Variants in BIRC6 observed in about 807,000 individuals in gnomAD.
The protein encoded by BIRC6 is baculoviral IAP repeat containing 6, also known as dual E2 ubiquitin-conjugating enzyme/E3 ubiquitin-protein ligase BIRC6.
In BIRC6, 98 loss-of-function variants were observed where a neutral mutation model predicts 503.3. The ratio of observed to expected loss-of-function variants is 0.19; its 90% CI spans 0.17 to 0.23. The LOEUF is 0.23. Among genes scored for constraint, BIRC6 ranks in the 10% least tolerant of loss-of-function variants. The pLI is 1.00. For synonymous variants in BIRC6, 2,240 were observed against 2,078.7 expected, an observed-to-expected ratio of 1.08 and a Z score of -2.11; for missense variants, 5,360 against 5,806.0, an observed-to-expected ratio of 0.92 and a Z score of 2.50.
intron 15 of BIRC6, among the ~76,000 whole-genome samples, chr2:32,439,112 T>C (rs886637204): frequency 6.6e-6 from 1 of 152,184 alleles, no homozygotes; most frequent in Non-Finnish European, 1.5e-5. Context: ...TGTACATGTA[T>C]GCATAAGAAG....
chr2:32,506,098 C>T (rs1346806693), intron 50 of BIRC6, among the ~76,000 whole-genome samples: 2 of 152,142 alleles, frequency 1.3e-5, no homozygotes, highest in Admixed American at 1.3e-4. Flanking sequence ...ATCTACCTGC[C>T]TTGGCCTCCT....
At chr2:32,470,901 T>C in intron 31 of BIRC6, 113 bp from the exon 32 acceptor site, 1 of 1,090,238 alleles carries the variant, frequency 9.2e-7, no homozygotes, top group Non-Finnish European at 1.3e-6. Context: ...GTGTTAGTAA[T>C]GATAAGATAT....
At chr2:32,605,732 C>T (rs528160709) in intron 71 of BIRC6, among the ~76,000 whole-genome samples, 1 of 152,220 alleles carries the variant, frequency 6.6e-6, no homozygotes, top group East Asian at 1.9e-4. Flanking sequence ...GTCACGGGCA[C>T]CTGTAACCCC....
intron 69 of BIRC6, among the ~76,000 whole-genome samples, chr2:32,598,791 G>C (rs1480588963): frequency 6.6e-6 from 1 of 152,030 alleles, no homozygotes; most frequent in Non-Finnish European, 1.5e-5. Context: ...GGGAGGCTGA[G>C]GTAGGCAGAT....
In BIRC6 at chr2:32,586,423, C is replaced by CTTT. The variant is rs972959083; in HGVS notation, c.13356-7467_13356-7465dup. ...ATCTCAGACAAAATCTCAAGCAGTC[C>CTTT]TTTTTTTTTTTTTTTTTTTTTTTTT... On this transcript the variant is annotated intron_variant, in intron 66 of 73. Coordinates refer to ENST00000421745, the MANE Select transcript of BIRC6 (RefSeq NM_016252.4). 1.7e-3 allele frequency among the ~76,000 whole-genome samples: 119 copies of CTTT among 70,980 alleles called. 8 individuals carry two copies. Among genetic ancestry groups the CTTT allele is most frequent in the African/African-American group, 7.5e-3 (111 of 14,850 alleles). 46.6% of individuals were successfully genotyped at this position (70,980 alleles called of 152,430 possible).
At chr2:32,483,275 A>G (rs775977704) in intron 39 of BIRC6, among the ~76,000 whole-genome samples, 2 of 152,108 alleles carry the variant, frequency 1.3e-5, no homozygotes, top group Non-Finnish European at 2.9e-5. Flanking sequence ...TTTTTTAATA[A>G]AATACATTTT....
At chr2:32,585,771 A>G (rs953348610) in intron 66 of BIRC6, among the ~76,000 whole-genome samples, 1 of 152,202 alleles carries the variant, frequency 6.6e-6, no homozygotes, top group Non-Finnish European at 1.5e-5. Context: ...TAAATCAAGC[A>G]TGCATTGTAA....
chr2:32,479,425 A>G lies in BIRC6; in HGVS notation c.7253-37A>G, dbSNP rs375725065. On this transcript the variant is annotated intron_variant, in intron 36 of 73. Coordinates refer to ENST00000421745, the MANE Select transcript of BIRC6 (RefSeq NM_016252.4). ...GCTGTAATACATTTTCGAAATCTGT[A>G]TAAATTATTAAAACAGGACTATCCC... is the stretch of plus-strand genomic sequence containing the variant. 4.1e-5 allele frequency: 63 copies of G among 1,553,966 alleles called. 1 individual carries two copies. In the East Asian group the frequency reaches 6.9e-4, roughly 17 times the overall value.
chr2:32,358,356 G>C (rs1277898156), intron 1 of BIRC6, among the ~76,000 whole-genome samples: 1 of 152,194 alleles, frequency 6.6e-6, no homozygotes, highest in Non-Finnish European at 1.5e-5. Context: ...GTAAACCTTG[G>C]TCCAGGGACG....
chr2:32,498,953 A>G (rs557680114), intron 45 of BIRC6, among the ~76,000 whole-genome samples: 3 of 152,286 alleles, frequency 2.0e-5, no homozygotes, highest in Admixed American at 1.3e-4. Context: ...TGGCGCCACA[A>G]GTGATCTGCC....
chr2:32,484,286 G>C (rs115364708), intron 39 of BIRC6, among the ~76,000 whole-genome samples: 152,260 of 152,262 alleles, frequency 1, 76,129 homozygotes, highest in Middle Eastern at 1. Flanking sequence ...AGGTGCGGTG[G>C]TCACGCCTGT....
intron 69 of BIRC6, among the ~76,000 whole-genome samples, chr2:32,598,428 A>T (rs1026439399): frequency 6.6e-6 from 1 of 151,862 alleles, no homozygotes; most frequent in Admixed American, 6.6e-5. Context: ...TTTTAGTGTC[A>T]CTCTTCAAAA....
intron 3 of BIRC6, 138 bp downstream of exon 3, chr2:32,380,428 T>G (rs756221061): frequency 1.7e-5 from 21 of 1,225,368 alleles, no homozygotes; most frequent in Non-Finnish European, 2.1e-5. Flanking sequence ...TGCTTATAAG[T>G]CATCTTAAAG....
chr2:32,388,866 A>C lies in BIRC6; in HGVS notation c.762A>C (p.Ser254=). 1.2e-6 allele frequency: 2 copies of C among 1,613,058 alleles called. No homozygotes were observed. The highest frequency in any genetic ancestry group is 1.7e-6 in the Non-Finnish European group (2 of 1,179,646). The part of the protein sequence containing the change: ...QNVAALPVAS[S]VMDRLSYLLP... ...TTGCTGCCTTACCTGTGGCGTCCTC[A>C]GTGATGGACAGATTGTCTTACCTCT... Residue 254 remains serine, a synonymous_variant, in exon 4 of 74, where the codon TCA becomes TCC. Transcript: ENST00000421745.
chr2:32,477,646 C>T (rs2049914970), intron 35 of BIRC6, 63 bp downstream of exon 35: 2 of 1,331,098 alleles, frequency 1.5e-6, no homozygotes, highest in Admixed American at 2.0e-5. Flanking sequence ...TGCCTGTAAT[C>T]CCAGCACTTT....
chr2:32,493,246 A>T (rs987708547), intron 44 of BIRC6, among the ~76,000 whole-genome samples: 1 of 152,046 alleles, frequency 6.6e-6, no homozygotes, highest in Admixed American at 6.5e-5. Flanking sequence ...TTATAAAAGT[A>T]TTTATTGTGT....
rs750458558 is a variant in BIRC6 at position 32,415,991 on chromosome 2, T to C, written c.2700T>C (p.Leu900=). ...EREKTSDIST[L]GHLVITTQGG... is the part of the protein sequence containing the mutation. ...AAAAAACGTCTGACATTTCTACTCT[T>C]GGACACCTGGTAATAACCACTCAGG... Residue 900 remains leucine, a synonymous_variant, in exon 10 of 74, where the codon CTT becomes CTC. Transcript: ENST00000421745. 1 of 1,613,922 alleles carries C rather than the reference T, an allele frequency of 6.2e-7. No homozygotes were observed. The highest frequency in any genetic ancestry group is 8.5e-7 in the Non-Finnish European group (1 of 1,179,856).
rs748009580 is a variant in BIRC6 at position 32,531,433 on chromosome 2, A to G, written c.12173A>G (p.Asp4058Gly). Residue 4058 changes from aspartate to glycine, a missense_variant, in exon 61 of 74, where the codon GAT becomes GGT. Coordinates refer to ENST00000421745, the MANE Select transcript of BIRC6 (RefSeq NM_016252.4). ...GATGAATGCATGGATGGGATACTGG[A>G]TGAATCTTTGCTTGAAACCTGTCCA... ...PGDECMDGIL[D>G]ESLLETCPIQ... 6.2e-7 allele frequency: 1 copy of G among 1,613,920 alleles called. No individual in the cohort carries two copies. The highest frequency in any genetic ancestry group is 8.5e-7 in the Non-Finnish European group (1 of 1,179,836).
chr2:32,400,825 C>G (rs980712654), intron 6 of BIRC6, among the ~76,000 whole-genome samples: 70 of 151,912 alleles, frequency 4.6e-4, no homozygotes, highest in African/African-American at 1.7e-3. Context: ...CTGTAGGAAA[C>G]CAGTGTGAGG....
Sources: allele counts gnomAD v4.1 joint callset (sites outside exome capture counted in the v4.1 genomes callset), GRCh38; gene constraint gnomAD v4.1.1; transcripts MANE v1.5; gene names NCBI Gene and HGNC (gene_info 2026-07-23, HGNC 2026-07-21).